POLR3B: variants seen among roughly 807,000 people sequenced by gnomAD.
The protein encoded by POLR3B is RNA polymerase III subunit B.
A neutral mutation model predicts 147.4 loss-of-function variants in POLR3B; 96 were observed. The ratio of observed to expected loss-of-function variants is 0.65; its 90% CI spans 0.55 to 0.77. POLR3B has a LOEUF of 0.77. Ranked by LOEUF, POLR3B falls within the 30% of genes least tolerant of loss-of-function variation. POLR3B has a pLI of 0.00. For synonymous variants in POLR3B, 461 were observed against 485.9 expected (o/e 0.95, Z 0.67); for missense variants, 1,036 against 1,413.5 (o/e 0.73, Z 4.28).
At chr12:106,503,989 C>T (rs2038645686) in intron 26 of POLR3B, 92 bp from the exon 27 acceptor site, 2 of 1,201,846 alleles carry the variant, frequency 1.7e-6, no homozygotes, top group East Asian at 2.3e-5. Context: ...GAGCCCTGCT[C>T]CAAAGCCTCG....
intron 9 of POLR3B, among the ~76,000 whole-genome samples, chr12:106,385,678 G>A (rs2036826249): frequency 6.6e-6 from 1 of 152,198 alleles, no homozygotes; most frequent in African/African-American, 2.4e-5. Flanking sequence ...TAGGGAGAGA[G>A]TATTGGTAAG....
chr12:106,391,034 A>G (rs1460883319), intron 9 of POLR3B, among the ~76,000 whole-genome samples: 2 of 152,190 alleles, frequency 1.3e-5, no homozygotes, highest in African/African-American at 4.8e-5. Context: ...AGGGCAACAT[A>G]AGCAAGACCG....
Position 106,437,788 on chromosome 12 carries a change from G to A in POLR3B, c.1955+9G>A, listed in dbSNP as rs180812723. 8.3e-6 allele frequency: 12 copies of A among 1,449,262 alleles called. No individual in the cohort carries two copies. In the East Asian group the frequency reaches 2.7e-4, roughly 33 times the overall value. 89.8% of individuals were successfully genotyped at this position (1,449,262 alleles called of 1,614,324 possible). ...GAACACACAATTAATAAGTAAGTAG[G>A]ATCCATAGCAACCATAATTAAAACG... On this transcript the variant is annotated intron_variant, in intron 18 of 27. Coordinates refer to ENST00000228347, the MANE Select transcript of POLR3B (RefSeq NM_018082.6).
intron 12 of POLR3B, among the ~76,000 whole-genome samples, chr12:106,414,216 A>C (rs1243276223): frequency 9.6e-6 from 1 of 103,992 alleles, no homozygotes; most frequent in Non-Finnish European, 2.2e-5. Flanking sequence ...GATGGGATAC[A>C]AAAGTAAAAA....
At chr12:106,503,237 C>T (rs958143672) in intron 26 of POLR3B, among the ~76,000 whole-genome samples, 1 of 152,202 alleles carries the variant, frequency 6.6e-6, no homozygotes, top group Non-Finnish European at 1.5e-5. Context: ...TTTGATTTCA[C>T]ATTGAAACTC....
intron 10 of POLR3B, among the ~76,000 whole-genome samples, chr12:106,399,530 T>G (rs1035660586): frequency 6.6e-6 from 1 of 152,172 alleles, no homozygotes; most frequent in South Asian, 2.1e-4. Flanking sequence ...AATTGTCAGA[T>G]TCACCAAAGT....
At chr12:106,492,314 C>T (rs2038417291) in intron 23 of POLR3B, among the ~76,000 whole-genome samples, 1 of 152,070 alleles carries the variant, frequency 6.6e-6, no homozygotes, top group South Asian at 2.1e-4. Context: ...CACCTTTAAT[C>T]CCAGCCCTTT....
intron 4 of POLR3B, among the ~76,000 whole-genome samples, chr12:106,368,396 T>C (rs1352726999): frequency 6.6e-6 from 1 of 152,156 alleles, no homozygotes; most frequent in Non-Finnish European, 1.5e-5. Flanking sequence ...CCTATCCATT[T>C]TTACATATAT....
At chr12:106,398,826 C>A (rs2037018593) in intron 10 of POLR3B, among the ~76,000 whole-genome samples, 1 of 152,158 alleles carries the variant, frequency 6.6e-6, no homozygotes, top group Admixed American at 6.5e-5. Context: ...ATCAAAAACC[C>A]ATCTGTACGT....
At chr12:106,358,464 G>A (rs1424022636) in intron 1 of POLR3B, among the ~76,000 whole-genome samples, 2 of 152,214 alleles carry the variant, frequency 1.3e-5, no homozygotes, top group African/African-American at 4.8e-5. Flanking sequence ...GAATTTGCCT[G>A]TGTGTTTTCT....
chr12:106,440,991 T>C (rs114535363), intron 18 of POLR3B, among the ~76,000 whole-genome samples: 2,463 of 152,276 alleles, frequency 0.016, 67 homozygotes, highest in African/African-American at 0.056. Flanking sequence ...AATATAGAAA[T>C]GCATGAAGTA....
chr12:106,389,200 A>G (rs991095153), intron 9 of POLR3B, among the ~76,000 whole-genome samples: 4 of 152,228 alleles, frequency 2.6e-5, no homozygotes, highest in African/African-American at 9.6e-5. Context: ...CTGAAGGCTA[A>G]ATAGTCATAA....
intron 22 of POLR3B, among the ~76,000 whole-genome samples, chr12:106,461,255 A>G (rs2037930397): frequency 6.6e-6 from 1 of 152,010 alleles, no homozygotes; most frequent in Admixed American, 6.6e-5. Context: ...CACCACACTC[A>G]GCTAATTTTT....
intron 23 of POLR3B, among the ~76,000 whole-genome samples, chr12:106,470,474 C>T (rs2075967512): frequency 6.6e-6 from 1 of 152,112 alleles, no homozygotes; most frequent in Non-Finnish European, 1.5e-5. Context: ...AACTCATTCT[C>T]CATCCAGTTT....
intron 7 of POLR3B, among the ~76,000 whole-genome samples, chr12:106,378,053 A>G (rs2036704615): frequency 6.6e-6 from 1 of 152,178 alleles, no homozygotes. Context: ...GTGCCACTGC[A>G]CTCCAGCCTC....
At chr12:106,468,263 T>A (rs1424265666) in intron 23 of POLR3B, among the ~76,000 whole-genome samples, 1 of 152,228 alleles carries the variant, frequency 6.6e-6, no homozygotes, top group Non-Finnish European at 1.5e-5. Flanking sequence ...TATACTCTGA[T>A]GGTAGTTTGT....
intron 22 of POLR3B, among the ~76,000 whole-genome samples, chr12:106,462,790 A>C (rs2137036163): frequency 6.6e-6 from 1 of 151,992 alleles, no homozygotes; most frequent in East Asian, 1.9e-4. Flanking sequence ...TCAGTGACCC[A>C]CTCTGGTCAG....
chr12:106,444,674 A>G, intron 19 of POLR3B, 84 bp downstream of exon 19: 1 of 1,430,634 alleles, frequency 7.0e-7, no homozygotes. Context: ...CTGCTTCACC[A>G]GTATTATATG....
intron 27 of POLR3B, among the ~76,000 whole-genome samples, chr12:106,507,318 A>G (rs1483410519): frequency 6.6e-6 from 1 of 152,226 alleles, no homozygotes; most frequent in Non-Finnish European, 1.5e-5. Flanking sequence ...ATACACACAC[A>G]TGCACGTTGG....
Sources: allele counts gnomAD v4.1 joint callset (sites outside exome capture counted in the v4.1 genomes callset), GRCh38; gene constraint gnomAD v4.1.1; transcripts MANE v1.5; gene names NCBI Gene and HGNC (gene_info 2026-07-23, HGNC 2026-07-21).